Variants in LRBA observed in about 807,000 individuals in gnomAD.
LRBA encodes LPS responsive beige-like anchor protein.
LRBA carries 176 observed loss-of-function variants against 330.0 expected under a neutral mutation model. The ratio of observed to expected loss-of-function variants is 0.53; its 90% CI spans 0.47 to 0.60. LRBA has a LOEUF of 0.60. LRBA is among the 20% of genes least tolerant of loss of function. The pLI is 0.00. For synonymous variants in LRBA, 1,230 were observed against 1,193.0 expected (o/e 1.03, Z -0.64); for missense variants, 3,259 against 3,444.8 (o/e 0.95, Z 1.35).
At chr4:150,756,108 A>T (rs1389790395) in intron 35 of LRBA, among the ~76,000 whole-genome samples, 2 of 151,990 alleles carry the variant, frequency 1.3e-5, no homozygotes, top group Admixed American at 1.3e-4. Context: ...AAAATTCTAG[A>T]GGTTAAGAAC....
chr4:150,445,776 TG>T (rs1378579762), intron 44 of LRBA, among the ~76,000 whole-genome samples: 1 of 152,030 alleles, frequency 6.6e-6, no homozygotes, highest in Non-Finnish European at 1.5e-5. Flanking sequence ...ACGATTCTTC[TG>T]CCTCAGCCTC....
chr4:150,644,119 G>C (rs552018849), intron 37 of LRBA, among the ~76,000 whole-genome samples: 1 of 151,988 alleles, frequency 6.6e-6, no homozygotes, highest in East Asian at 1.9e-4. Context: ...TAAATAACAT[G>C]TTTTTAAAGG....
intron 2 of LRBA, among the ~76,000 whole-genome samples, chr4:150,952,442 C>T (rs886984882): frequency 3.3e-5 from 5 of 152,092 alleles, no homozygotes; most frequent in African/African-American, 7.2e-5. Context: ...ATTAGACAGT[C>T]AGTCTTTCAT....
chr4:150,628,274 G>A (rs900348770), intron 37 of LRBA, among the ~76,000 whole-genome samples: 1 of 151,862 alleles, frequency 6.6e-6, no homozygotes, highest in South Asian at 2.1e-4. Flanking sequence ...TCCTTTTTTT[G>A]ACAAAGACAA....
At chr4:150,992,300 A>G (rs1185554013) in intron 2 of LRBA, among the ~76,000 whole-genome samples, 3 of 143,058 alleles carry the variant, frequency 2.1e-5, no homozygotes, top group Non-Finnish European at 4.6e-5. Flanking sequence ...TGGGCAACAG[A>G]GCGAGACTCC....
At chr4:150,703,740 C>A (rs75905090) in intron 36 of LRBA, among the ~76,000 whole-genome samples, 214 of 152,050 alleles carry the variant, frequency 1.4e-3, no homozygotes, top group African/African-American at 5.1e-3. Flanking sequence ...ACCATACAGA[C>A]CCTTACATAA....
intron 37 of LRBA, among the ~76,000 whole-genome samples, chr4:150,602,700 C>G (rs1364337630): frequency 2.6e-5 from 4 of 152,144 alleles, no homozygotes; most frequent in Admixed American, 6.5e-5. Flanking sequence ...CTACCCCGTC[C>G]CTTCCTCAAA....
chr4:150,542,519 A>C (rs1315776140), intron 40 of LRBA, among the ~76,000 whole-genome samples: 3 of 152,218 alleles, frequency 2.0e-5, no homozygotes, highest in Non-Finnish European at 4.4e-5. Context: ...TATTTGGGTT[A>C]TGACCAAATC....
intron 34 of LRBA, among the ~76,000 whole-genome samples, chr4:150,797,133 T>C (rs1234754171): frequency 6.6e-6 from 1 of 152,008 alleles, no homozygotes; most frequent in East Asian, 1.9e-4. Context: ...TCACACCTTC[T>C]ATGATTCTTT....
chr4:150,631,844 C>G (rs1777407395), intron 37 of LRBA, among the ~76,000 whole-genome samples: 1 of 152,152 alleles, frequency 6.6e-6, no homozygotes, highest in Admixed American at 6.5e-5. Flanking sequence ...AGAAGTACAT[C>G]CACATGGAAA....
intron 35 of LRBA, among the ~76,000 whole-genome samples, chr4:150,749,515 G>A (rs1405977695): frequency 6.6e-6 from 1 of 152,160 alleles, no homozygotes; most frequent in Non-Finnish European, 1.5e-5. Flanking sequence ...CTGCACTTTG[G>A]GAGGCCAAGG....
chr4:150,271,995 A>G (rs1746181411), intron 56 of LRBA, among the ~76,000 whole-genome samples: 1 of 152,228 alleles, frequency 6.6e-6, no homozygotes, highest in African/African-American at 2.4e-5. Context: ...CTCCCAGGAC[A>G]GCATTTGAGC....
intron 48 of LRBA, among the ~76,000 whole-genome samples, chr4:150,328,654 C>T (rs566027931): frequency 4.6e-5 from 7 of 151,978 alleles, no homozygotes; most frequent in African/African-American, 7.2e-5. Context: ...GAGACCCAGA[C>T]ACAAAAGCAC....
intron 47 of LRBA, among the ~76,000 whole-genome samples, chr4:150,394,769 A>G (rs1460503634): frequency 6.6e-6 from 1 of 152,220 alleles, no homozygotes; most frequent in Non-Finnish European, 1.5e-5. Context: ...TGAAAACAGA[A>G]TATTTTTGTG....
chr4:150,569,252 G>A (rs572363008), intron 40 of LRBA, among the ~76,000 whole-genome samples: 2 of 152,202 alleles, frequency 1.3e-5, no homozygotes, highest in East Asian at 1.9e-4. Flanking sequence ...ACAGGTAGTC[G>A]CAGAATTGTG....
chr4:150,719,797 G>A (rs955527887), intron 36 of LRBA, among the ~76,000 whole-genome samples: 3 of 152,026 alleles, frequency 2.0e-5, no homozygotes, highest in African/African-American at 7.2e-5. Context: ...AACAAATACT[G>A]GTGAAGCAAG....
rs796241962 is a variant in LRBA, at chr4:150,806,918, T to C, written c.5385-514A>G. ...TTTCTAATGCAATGTGAATGATTTT[T>C]CTCCTGAAAATAATATACTTTATAG... On this transcript the variant is annotated intron_variant, in intron 32 of 56. Transcript: ENST00000651943. 3.3e-5 allele frequency among the ~76,000 whole-genome samples: 5 copies of C among 152,000 alleles called. No individual in the cohort carries two copies. The South Asian group carries it at 8.3e-4, about 25-fold the overall frequency.
At chr4:150,498,116 C>G (rs966314634) in intron 40 of LRBA, among the ~76,000 whole-genome samples, 4 of 152,176 alleles carry the variant, frequency 2.6e-5, no homozygotes, top group African/African-American at 9.7e-5. Flanking sequence ...CACTGACTGG[C>G]AAATTGATGT....
chr4:150,809,010 A>G (rs935514439), intron 31 of LRBA, among the ~76,000 whole-genome samples: 20 of 152,178 alleles, frequency 1.3e-4, no homozygotes, highest in African/African-American at 4.8e-4. Flanking sequence ...TCAGTCCAAA[A>G]GTGATTAGAA....
Sources: gnomAD v4.1 joint callset for allele counts (sites outside exome capture counted in the v4.1 genomes callset) on GRCh38, gnomAD v4.1.1 for gene constraint, MANE v1.5 for transcripts, NCBI Gene and HGNC (gene_info 2026-07-23, HGNC 2026-07-21) for gene names.